HMCN1: variants seen among roughly 807,000 people sequenced by gnomAD.
HMCN1 encodes the protein hemicentin-1.
In HMCN1, 321 loss-of-function variants were observed where a neutral mutation model predicts 625.9. The observed-to-expected ratio is 0.51, with a 90% CI of 0.47 to 0.56. The LOEUF is 0.56. HMCN1 is among the 20% of genes least tolerant of loss of function. The probability of loss-of-function intolerance (pLI) is 0.00; values close to 1 mark genes in which losing one functional copy is unlikely to be tolerated. For missense variants in HMCN1, 6,588 were observed against 6,887.3 expected, an observed-to-expected ratio of 0.96 and a Z score of 1.54; for synonymous variants, 2,425 against 2,417.6, an observed-to-expected ratio of 1.00 and a Z score of -0.09.
intron 1 of HMCN1, among the ~76,000 whole-genome samples, chr1:185,749,996 C>T (rs1203953280): frequency 6.6e-6 from 1 of 152,202 alleles, no homozygotes; most frequent in African/African-American, 2.4e-5. Context: ...GAAAAGCCTT[C>T]CCTGATTACC....
At chr1:185,917,755 C>T (rs1349244055) in intron 6 of HMCN1, among the ~76,000 whole-genome samples, 1 of 152,174 alleles carries the variant, frequency 6.6e-6, no homozygotes, top group Non-Finnish European at 1.5e-5. Context: ...AACAGGCCTT[C>T]TTCGCCTTTA....
chr1:186,082,906 T>A lies in HMCN1; in HGVS notation c.8829T>A (p.Cys2943Ter). The A allele has an allele frequency of 1.9e-6, 3 of 1,597,388 alleles. No homozygotes were observed. The highest frequency in any genetic ancestry group is 2.6e-6 in the Non-Finnish European group (3 of 1,170,778). The change falls in exon 57 of 107, where the codon TGT becomes TGA. Residue 2943 changes from cysteine (C) to a stop codon, truncating the protein, a stop_gained. Coordinates refer to ENST00000271588, the MANE Select transcript of HMCN1 (RefSeq NM_031935.3). LOFTEE classifies it high-confidence loss of function. ...TAACAGATATCGGCAGGTATGTGTGTGTTGCTGAGAACACAGCTGGGAGTG... is the reference window on the plus strand; with the variant it reads ...TAACAGATATCGGCAGGTATGTGTGAGTTGCTGAGAACACAGCTGGGAGTG... ...TQITDIGRYV[C>*]VAENTAGSAK...
intron 44 of HMCN1, among the ~76,000 whole-genome samples, chr1:186,054,907 G>A (rs1657213417): frequency 6.6e-6 from 1 of 151,874 alleles, no homozygotes; most frequent in African/African-American, 2.4e-5. Flanking sequence ...CCTCTGTGTA[G>A]GTTTTATACA....
chr1:186,168,347 G>C (rs566806243), intron 100 of HMCN1, among the ~76,000 whole-genome samples: 234 of 151,902 alleles, frequency 1.5e-3, no homozygotes, highest in African/African-American at 5.4e-3. Context: ...CAGCTACTTG[G>C]GAGGCTGAGG....
At chr1:185,983,552 C>T (rs371956144) in intron 18 of HMCN1, among the ~76,000 whole-genome samples, 1 of 152,170 alleles carries the variant, frequency 6.6e-6, no homozygotes, top group Non-Finnish European at 1.5e-5. Context: ...AATGTCCTTG[C>T]AGAATGATAG....
rs547103758 is a variant in HMCN1, at chr1:185,782,530, A to C, written c.268+47483A>C. 5.6e-3 allele frequency among the ~76,000 whole-genome samples: 859 copies of C among 152,196 alleles called. 9 individuals carry two copies. Among genetic ancestry groups the C allele is most frequent in the African/African-American group, 0.019 (808 of 41,460 alleles). ...TAGTGCTTCCTTCAGGAGCTCTTTT[A>C]GGGCAGGCCTGGTGGTGACAAAATC... is the stretch of plus-strand genomic sequence containing the variant. On this transcript the variant is annotated intron_variant, in intron 1 of 106. Transcript: ENST00000271588.
intron 4 of HMCN1, among the ~76,000 whole-genome samples, chr1:185,870,477 C>A (rs1451962166): frequency 6.6e-6 from 1 of 152,056 alleles, no homozygotes; most frequent in African/African-American, 2.4e-5. Context: ...ACATTCCCTT[C>A]CCTCGAAAAA....
At chr1:185,868,361 A>G (rs185597309) in intron 4 of HMCN1, among the ~76,000 whole-genome samples, 5 of 152,146 alleles carry the variant, frequency 3.3e-5, no homozygotes, top group Middle Eastern at 3.4e-3. Flanking sequence ...CTGCCCCCCA[A>G]TCAGTTCTCA....
intron 4 of HMCN1, among the ~76,000 whole-genome samples, chr1:185,900,339 A>G (rs903260680): frequency 2.0e-5 from 3 of 152,054 alleles, no homozygotes; most frequent in African/African-American, 7.2e-5. Flanking sequence ...ACTGCTGAAT[A>G]TTCACCTATA....
intron 40 of HMCN1, among the ~76,000 whole-genome samples, chr1:186,042,179 C>T (rs957213205): frequency 2.0e-5 from 3 of 152,240 alleles, no homozygotes; most frequent in Admixed American, 1.3e-4. Flanking sequence ...GCAATTGACA[C>T]GAGTTCACAT....
At position 186,189,781 on chromosome 1, in the gene HMCN1, G is replaced by A. The variant is rs372803002; in HGVS notation, c.16811G>A (p.Arg5604His). 43 of 1,613,590 alleles carry A rather than the reference G, an allele frequency of 2.7e-5. No individual in the cohort carries two copies. Among genetic ancestry groups the A allele is most frequent in the Admixed American group, 1.0e-4 (6 of 59,960 alleles). Residue 5604 changes from arginine to histidine, a missense_variant, in exon 107 of 107, where the codon CGC becomes CAC. Coordinates refer to ENST00000271588, the MANE Select transcript of HMCN1 (RefSeq NM_031935.3). ...TRPLREAETY[R>H]MRVRASSYSA... ...CCACTACGAGAAGCAGAGACCTACC[G>A]CATGAGGGTCCGAGCCTCATCCTAC... is the stretch of plus-strand genomic sequence containing the variant.
Position 185,770,924 on chromosome 1 carries a change from G to A in HMCN1, c.268+35877G>A, listed in dbSNP as rs140287064. 1.2e-4 allele frequency among the ~76,000 whole-genome samples: 19 copies of A among 152,202 alleles called. No homozygotes were observed. In the East Asian group the frequency reaches 2.9e-3, roughly 23 times the overall value. On this transcript the variant is annotated intron_variant, in intron 1 of 106. Transcript: ENST00000271588. ...CACACCCAGCTCATCTCCAGTGCTCGCATTAGCTTTTTTCTCTTTCTTGGG... is the reference window on the plus strand; with the variant it reads ...CACACCCAGCTCATCTCCAGTGCTCACATTAGCTTTTTTCTCTTTCTTGGG...
At chr1:186,054,651 C>G (rs1657196992) in intron 44 of HMCN1, among the ~76,000 whole-genome samples, 2 of 151,966 alleles carry the variant, frequency 1.3e-5, no homozygotes, top group Non-Finnish European at 2.9e-5. Flanking sequence ...GTGGCTTAAC[C>G]AAGTAAAAGT....
At chr1:186,087,840 A>G (rs1659603581) in intron 60 of HMCN1, 92 bp from the exon 61 acceptor site, 10 of 1,260,188 alleles carry the variant, frequency 7.9e-6, no homozygotes, top group Non-Finnish European at 1.2e-5. Context: ...CATTGAGCAT[A>G]CAGATGACTG....
At chr1:185,953,545 G>A (rs545119817) in intron 11 of HMCN1, among the ~76,000 whole-genome samples, 55 of 151,988 alleles carry the variant, frequency 3.6e-4, no homozygotes, top group Non-Finnish European at 6.6e-4. Context: ...GAAGTGTGGC[G>A]CCAAGATTGA....
At chr1:186,028,919 G>A (rs1428834833) in intron 36 of HMCN1, among the ~76,000 whole-genome samples, 1 of 151,496 alleles carries the variant, frequency 6.6e-6, no homozygotes, top group Non-Finnish European at 1.5e-5. Flanking sequence ...TAGAGACGGG[G>A]TTTCACTATG....
At chr1:185,906,302 T>C (rs1666092148) in intron 4 of HMCN1, among the ~76,000 whole-genome samples, 1 of 151,790 alleles carries the variant, frequency 6.6e-6, no homozygotes, top group African/African-American at 2.4e-5. Context: ...AAAAAAGTGA[T>C]TTGAGATTCT....
chr1:185,786,048 CA>C (rs1657545430), intron 1 of HMCN1, among the ~76,000 whole-genome samples: 1 of 152,148 alleles, frequency 6.6e-6, no homozygotes, highest in Non-Finnish European at 1.5e-5. Flanking sequence ...GATCCATAAT[CA>C]GTAAAATACT....
chr1:185,989,156 T>C lies in HMCN1; in HGVS notation c.3049-332T>C, dbSNP rs547507814. ...CCGAGTAGCTGGGACTACAGGTGCC[T>C]GCCACCTCGCCCGGCTAATTTTTTG... On this transcript the variant is annotated intron_variant, in intron 20 of 106. Transcript: ENST00000271588. Among the ~76,000 whole-genome samples the C allele has an allele frequency of 4.0e-3, 610 of 151,906 alleles. 1 individual carries two copies. Among genetic ancestry groups the C allele is most frequent in the African/African-American group, 0.013 (527 of 41,416 alleles).
Sources: allele counts gnomAD v4.1 joint callset (sites outside exome capture counted in the v4.1 genomes callset), GRCh38; gene constraint gnomAD v4.1.1; transcripts MANE v1.5; gene names NCBI Gene and HGNC (gene_info 2026-07-23, HGNC 2026-07-21).